Variants in RHBDD1 observed in about 807,000 individuals in gnomAD.
RHBDD1 encodes rhomboid domain containing 1, also known as rhomboid-related protein 4.
In RHBDD1, 38 loss-of-function variants were observed where a neutral mutation model predicts 36.3. The ratio of observed to expected loss-of-function variants is 1.05; its 90% CI spans 0.81 to 1.37. The LOEUF (loss-of-function observed/expected upper bound fraction) is 1.37, where lower values mean the gene tolerates loss of function less well. Among genes scored for constraint, RHBDD1 ranks in the 40% most tolerant of loss-of-function variants. The pLI is 0.00. For missense variants in RHBDD1, 393 were observed against 377.6 expected, an observed-to-expected ratio of 1.04 and a Z score of -0.34; for synonymous variants, 151 against 136.5, an observed-to-expected ratio of 1.11 and a Z score of -0.74.
At position 226,862,385 on chromosome 2, in the gene RHBDD1, A is replaced by G. The variant is rs1943938704; in HGVS notation, c.-90-2219A>G. Among the ~76,000 whole-genome samples the G allele has an allele frequency of 2.7e-5, 4 of 148,366 alleles. No individual in the cohort carries two copies. The South Asian group carries it at 8.5e-4, about 32-fold the overall frequency. On this transcript the variant is annotated intron_variant, in intron 3 of 8. Transcript: ENST00000392062. The stretch of plus-strand genomic sequence containing the variant: ...TTTTTTTTTTTTAACTCTAAAACTC[A>G]TGCATTGTCCAGTGTGCAGTCCAAG...
At chr2:226,834,721 G>A (rs1574705741), upstream of RHBDD1, among the ~76,000 whole-genome samples, 1 of 152,106 alleles carries the variant, frequency 6.6e-6, no homozygotes, top group East Asian at 1.9e-4. Flanking sequence ...TCGGATACTC[G>A]GATTCCTTCT....
intron 5 of RHBDD1, among the ~76,000 whole-genome samples, chr2:226,903,415 C>T (rs988384735): frequency 6.6e-6 from 1 of 152,142 alleles, no homozygotes; most frequent in Non-Finnish European, 1.5e-5. Context: ...TGCTACCCAC[C>T]CGTGAGTCAC....
At chr2:226,905,903 G>A (rs1948015193) in intron 5 of RHBDD1, among the ~76,000 whole-genome samples, 1 of 152,058 alleles carries the variant, frequency 6.6e-6, no homozygotes, top group South Asian at 2.1e-4. Flanking sequence ...TGTGCGCGGG[G>A]GTGTCTAGAG....
At chr2:226,881,527 A>G (rs1395742642) in intron 5 of RHBDD1, among the ~76,000 whole-genome samples, 3 of 152,206 alleles carry the variant, frequency 2.0e-5, no homozygotes, top group Admixed American at 6.5e-5. Context: ...CATTCAGATT[A>G]TAAGTGAGGT....
chr2:226,902,644 T>C (rs1368022370), intron 5 of RHBDD1, among the ~76,000 whole-genome samples: 1 of 152,246 alleles, frequency 6.6e-6, no homozygotes, highest in East Asian at 1.9e-4. Context: ...TCAGTTTTGA[T>C]TGAATAAGAT....
intron 3 of RHBDD1, among the ~76,000 whole-genome samples, chr2:226,859,742 C>T (rs1309982532): frequency 3.3e-5 from 5 of 152,084 alleles, no homozygotes; most frequent in Admixed American, 2.6e-4. Flanking sequence ...ACCATAGTGG[C>T]GGGCAGGGAA....
upstream of RHBDD1, among the ~76,000 whole-genome samples, chr2:226,832,024 T>G (rs1940756639): frequency 6.6e-6 from 1 of 152,054 alleles, no homozygotes; most frequent in Non-Finnish European, 1.5e-5. Flanking sequence ...CTTATTTTAT[T>G]GATTTGCAAT....
rs1017482575 is a variant in RHBDD1 at position 226,842,851 on chromosome 2, A to G, written c.-91+3224A>G. On this transcript the variant is annotated intron_variant, in intron 3 of 8. Coordinates refer to ENST00000392062, the MANE Select transcript of RHBDD1 (RefSeq NM_001167608.3). ...GTTTAATGGGAATAGCATTAAATCT[A>G]TAAATTACTTTGGGCAGTATGGCCG... Among the ~76,000 whole-genome samples, 7 of 152,252 alleles carry G rather than the reference A, an allele frequency of 4.6e-5. No homozygotes were observed. In the South Asian group the frequency reaches 1.0e-3, roughly 22 times the overall value.
At position 226,981,148 on chromosome 2, in the gene RHBDD1, A is replaced by G. The variant is rs1174392283; in HGVS notation, c.857-14283A>G. Among the ~76,000 whole-genome samples, 3 of 152,282 alleles carry G rather than the reference A, an allele frequency of 2.0e-5. No individual in the cohort carries two copies. In the East Asian group the frequency reaches 5.8e-4, roughly 29 times the overall value. The stretch of plus-strand genomic sequence containing the variant: ...AACCAAACACCGCATGTTCTCACTC[A>G]TAGGTGGAAATTGAACAATGAGAAC... On this transcript the variant is annotated intron_variant, in intron 8 of 8. Transcript: ENST00000392062.
At chr2:226,819,356 T>A in the RHBDD1 span, among the ~76,000 whole-genome samples, 5 of 152,210 alleles carry the variant, frequency 3.3e-5, no homozygotes, top group African/African-American at 1.2e-4. Flanking sequence ...GATGTACATA[T>A]TTTATTTTCT....
intron 5 of RHBDD1, among the ~76,000 whole-genome samples, chr2:226,901,096 A>C (rs1296206086): frequency 6.6e-6 from 1 of 152,236 alleles, no homozygotes; most frequent in East Asian, 1.9e-4. Context: ...TTTAGAGTCC[A>C]CATATGAGTG....
At chr2:226,895,716 G>A (rs1947048756) in intron 5 of RHBDD1, 2 of 985,298 alleles carry the variant, frequency 2.0e-6, no homozygotes, top group Non-Finnish European at 2.4e-6. Flanking sequence ...ATACTGCAAA[G>A]CTAATGATTA....
chr2:226,961,530 T>G (rs1952200123), intron 8 of RHBDD1, among the ~76,000 whole-genome samples: 2 of 144,540 alleles, frequency 1.4e-5, no homozygotes, highest in Non-Finnish European at 3.0e-5. Flanking sequence ...GAATATCAAG[T>G]ACATTTCATG....
the RHBDD1 span, among the ~76,000 whole-genome samples, chr2:226,810,636 A>G: frequency 4.0e-5 from 6 of 151,622 alleles, no homozygotes; most frequent in Non-Finnish European, 8.8e-5. Flanking sequence ...GGAGCATCCT[A>G]AAGATCTTCA....
chr2:226,853,328 A>G (rs1943012654), intron 3 of RHBDD1, among the ~76,000 whole-genome samples: 1 of 152,244 alleles, frequency 6.6e-6, no homozygotes, highest in African/African-American at 2.4e-5. Flanking sequence ...GCATGCCTCT[A>G]GATCACAGCC....
chr2:226,873,266 C>A (rs1574900031), intron 5 of RHBDD1, among the ~76,000 whole-genome samples: 1 of 152,282 alleles, frequency 6.6e-6, no homozygotes, highest in East Asian at 1.9e-4. Flanking sequence ...ATAAATATAC[C>A]ATGCTGAACC....
intron 8 of RHBDD1, chr2:226,914,776 C>T (rs1404030072): frequency 6.5e-6 from 1 of 153,432 alleles, no homozygotes; most frequent in Admixed American, 6.5e-5. Flanking sequence ...AATTCAAGCT[C>T]AGATTTGACT....
the RHBDD1 span, among the ~76,000 whole-genome samples, chr2:226,813,919 G>T: frequency 6.6e-6 from 1 of 152,170 alleles, no homozygotes; most frequent in Non-Finnish European, 1.5e-5. Flanking sequence ...ATGTAAAAAA[G>T]GGGCAAGAGT....
intron 5 of RHBDD1, among the ~76,000 whole-genome samples, chr2:226,875,740 G>A (rs1340745333): frequency 6.6e-6 from 1 of 152,164 alleles, no homozygotes; most frequent in African/African-American, 2.4e-5. Flanking sequence ...AGGAAGCTTG[G>A]CAAATTTATG....
Sources: allele counts gnomAD v4.1 joint callset (sites outside exome capture counted in the v4.1 genomes callset), GRCh38; gene constraint gnomAD v4.1.1; transcripts MANE v1.5; gene names NCBI Gene and HGNC (gene_info 2026-07-23, HGNC 2026-07-21).